The following NCAM1 variants were observed in gnomAD, a reference collection of about 807,000 sequenced individuals.
NCAM1 encodes antigen recognized by monoclonal antibody 5.1H11.
NCAM1 carries 14 observed loss-of-function variants against 109.8 expected under a neutral mutation model. The ratio of observed to expected loss-of-function variants is 0.13; its 90% CI spans 0.08 to 0.20. The LOEUF is 0.20. NCAM1 is among the 10% of genes least tolerant of loss of function. The probability of loss-of-function intolerance (pLI) is 1.00; values close to 1 mark genes in which losing one functional copy is unlikely to be tolerated. For missense variants in NCAM1, 774 were observed against 1,109.9 expected, an observed-to-expected ratio of 0.70 and a Z score of 4.30; for synonymous variants, 418 against 442.9, an observed-to-expected ratio of 0.94 and a Z score of 0.70.
intron 1 of NCAM1, among the ~76,000 whole-genome samples, chr11:113,050,262 AATG>A (rs1403360953): frequency 6.6e-6 from 1 of 152,202 alleles, no homozygotes; most frequent in Non-Finnish European, 1.5e-5. Context: ...GTCCATACTT[AATG>A]GTAGTAAATA....
intron 1 of NCAM1, among the ~76,000 whole-genome samples, chr11:113,077,831 C>G (rs1938599248): frequency 6.6e-6 from 1 of 151,926 alleles, no homozygotes; most frequent in Admixed American, 6.5e-5. Flanking sequence ...GGATTACAGG[C>G]TCAGGCCACC....
rs782700835 is a variant in NCAM1 at position 113,204,486 on chromosome 11, G to A, written c.328G>A (p.Val110Ile). The A allele has an allele frequency of 7.4e-6, 12 of 1,613,822 alleles. No homozygotes were observed. The highest frequency in any genetic ancestry group is 2.2e-5 in the East Asian group (1 of 44,894). ...GEDGSESEAT[V>I]NVKIFQKLMF... ...GGATGGCAGTGAGTCAGAGGCCACC[G>A]TCAACGTGAAGATCTTTCGTAAGAG... The change falls in exon 3 of 20, where the codon GTC becomes ATC. Residue 110 changes from valine to isoleucine, a missense_variant. Physicochemically the swap from Val to Ile is conservative, Grantham distance 29. Transcript: ENST00000316851.
At chr11:113,077,017 G>A (rs561750348) in intron 1 of NCAM1, among the ~76,000 whole-genome samples, 8 of 152,056 alleles carry the variant, frequency 5.3e-5, no homozygotes, top group Non-Finnish European at 1.0e-4. Flanking sequence ...TGTCAACATG[G>A]GATCTTGACT....
intron 1 of NCAM1, among the ~76,000 whole-genome samples, chr11:113,051,352 G>A (rs1351217582): frequency 6.6e-6 from 1 of 151,994 alleles, no homozygotes; most frequent in African/African-American, 2.4e-5. Flanking sequence ...GACTTTTTAA[G>A]CAACACCATC....
chr11:113,251,898 C>T (rs1565530505), intron 15 of NCAM1, among the ~76,000 whole-genome samples: 1 of 152,218 alleles, frequency 6.6e-6, no homozygotes, highest in Non-Finnish European at 1.5e-5. Flanking sequence ...TTTTCTCCCA[C>T]CACAGCCCCT....
intron 1 of NCAM1, among the ~76,000 whole-genome samples, chr11:113,036,742 G>A (rs1952902209): frequency 6.6e-6 from 1 of 152,070 alleles, no homozygotes; most frequent in Admixed American, 6.6e-5. Flanking sequence ...TGCAAGGTAA[G>A]CTTCTACCCC....
intron 1 of NCAM1, among the ~76,000 whole-genome samples, chr11:112,964,811 A>G (rs1170974357): frequency 6.6e-6 from 1 of 152,262 alleles, no homozygotes; most frequent in African/African-American, 2.4e-5. Context: ...ATATTTAGAA[A>G]TATTAATAAC....
chr11:113,010,660 T>A (rs1254049997), intron 1 of NCAM1, among the ~76,000 whole-genome samples: 2 of 152,210 alleles, frequency 1.3e-5, no homozygotes, highest in East Asian at 3.8e-4. Flanking sequence ...TATGCTATAC[T>A]CAACAGGAAA....
At chr11:113,006,507 A>G (rs1230551989) in intron 1 of NCAM1, among the ~76,000 whole-genome samples, 1 of 152,168 alleles carries the variant, frequency 6.6e-6, no homozygotes. Context: ...ATAATTTTAA[A>G]CTGTTGCACT....
At chr11:112,991,911 G>A (rs1951466902) in intron 1 of NCAM1, among the ~76,000 whole-genome samples, 1 of 152,090 alleles carries the variant, frequency 6.6e-6, no homozygotes, top group South Asian at 2.1e-4. Flanking sequence ...ATTTATAAAA[G>A]TTTTAAAGGA....
intron 1 of NCAM1, among the ~76,000 whole-genome samples, chr11:113,079,239 G>T (rs1159790667): frequency 6.6e-6 from 1 of 152,174 alleles, no homozygotes; most frequent in Non-Finnish European, 1.5e-5. Context: ...AGCTTTTTAT[G>T]TGCATTATCC....
intron 1 of NCAM1, among the ~76,000 whole-genome samples, chr11:112,998,761 A>G (rs781991320): frequency 2.6e-5 from 4 of 152,198 alleles, no homozygotes; most frequent in Admixed American, 6.5e-5. Flanking sequence ...TGTCTTTCAT[A>G]CACACACGAT....
At position 113,251,268 on chromosome 11, in the gene NCAM1, T is replaced by A. The variant is rs186831598; in HGVS notation, c.1829-4609T>A. Among the ~76,000 whole-genome samples the A allele has an allele frequency of 4.6e-5, 7 of 152,346 alleles. No individual in the cohort carries two copies. The East Asian group carries it at 1.4e-3, about 29-fold the overall frequency. ...TACCCTGGATTTGCTATAATTTTTG[T>A]TGTGGAATTCAGATATCCAGTGGAG... On this transcript the variant is annotated intron_variant, in intron 15 of 19. Transcript: ENST00000316851.
At chr11:113,159,137 G>C (rs1942514513) in intron 1 of NCAM1, among the ~76,000 whole-genome samples, 1 of 152,054 alleles carries the variant, frequency 6.6e-6, no homozygotes, top group Admixed American at 6.6e-5. Context: ...ATTTCCACAA[G>C]ATTAATCATC....
chr11:113,165,465 A>G lies in NCAM1; in HGVS notation c.53-36914A>G, dbSNP rs116359782. 7.9e-3 allele frequency among the ~76,000 whole-genome samples: 1,207 copies of G among 152,210 alleles called. 19 individuals are homozygous for G. Among genetic ancestry groups the G allele is most frequent in the African/African-American group, 0.028 (1,161 of 41,516 alleles). ...TTACAAGCAGAGAATGGGAAGTACT[A>G]AGAATCTCCACTTCTCAGACTAAGT... On this transcript the variant is annotated intron_variant, in intron 1 of 19. Transcript: ENST00000316851.
chr11:113,244,672 T>TGTGTGTGC (rs1299748672), intron 14 of NCAM1, among the ~76,000 whole-genome samples: 1 of 151,738 alleles, frequency 6.6e-6, no homozygotes, highest in African/African-American at 2.4e-5. Context: ...TGTGTGTGTG[T>TGTGTGTGC]GTGTGTGTGT....
Position 113,277,715 on chromosome 11 carries a change from T to C in NCAM1, c.*2328T>C. On this transcript the variant is annotated 3_prime_UTR_variant, in exon 20 of 20. Transcript: ENST00000316851. ...AGGAAGAAACAGGTCAGCCCTCAGA[T>C]CACCTGGCCCGGGACAGCTGACCCC... The C allele has an allele frequency of 3.2e-6, 1 of 313,812 alleles. No individual in the cohort carries two copies. Among genetic ancestry groups the C allele is most frequent in the East Asian group, 4.8e-5 (1 of 20,882 alleles). 19.4% of individuals were successfully genotyped at this position (313,812 alleles called of 1,614,324 possible).
At chr11:113,251,745 C>T (rs1393089995) in intron 15 of NCAM1, among the ~76,000 whole-genome samples, 1 of 152,140 alleles carries the variant, frequency 6.6e-6, no homozygotes, top group Non-Finnish European at 1.5e-5. Context: ...CAAATAATTA[C>T]AATAATGGTT....
chr11:113,178,684 A>G (rs1307938073), intron 1 of NCAM1, among the ~76,000 whole-genome samples: 1 of 152,230 alleles, frequency 6.6e-6, no homozygotes, highest in Non-Finnish European at 1.5e-5. Context: ...TGCAAAAAGA[A>G]AGAAGATGAA....
Sources: allele counts gnomAD v4.1 joint callset (sites outside exome capture counted in the v4.1 genomes callset), GRCh38; gene constraint gnomAD v4.1.1; transcripts MANE v1.5; gene names NCBI Gene and HGNC (gene_info 2026-07-23, HGNC 2026-07-21).